SEM1: variants seen among roughly 807,000 people sequenced by gnomAD.
The protein encoded by SEM1 is SEM1 26S proteasome subunit, also known as 26S proteasome complex subunit SEM1.
In SEM1, 3 loss-of-function variants were observed where a neutral mutation model predicts 12.7. The ratio of observed to expected loss-of-function variants is 0.24; its 90% CI spans 0.11 to 0.61. The LOEUF (loss-of-function observed/expected upper bound fraction) is 0.61. Among genes scored for constraint, SEM1 ranks in the 20% least tolerant of loss-of-function variants. The probability of loss-of-function intolerance (pLI) is 0.88; values close to 1 mark genes in which losing one functional copy is unlikely to be tolerated. For missense variants in SEM1, 59 were observed against 81.3 expected, an observed-to-expected ratio of 0.73 and a Z score of 1.06; for synonymous variants, 30 against 27.8, an observed-to-expected ratio of 1.08 and a Z score of -0.25.
At chr7:96,643,363 A>G (rs1219065136) in intron 2 of SEM1, among the ~76,000 whole-genome samples, 30 of 151,682 alleles carry the variant, frequency 2.0e-4, no homozygotes, top group Admixed American at 1.8e-3. Flanking sequence ...TTAATTTTTT[A>G]TTATACTTTA....
downstream of SEM1, among the ~76,000 whole-genome samples, chr7:96,669,338 A>G (rs1789251535): frequency 6.6e-6 from 1 of 152,202 alleles, no homozygotes; most frequent in Non-Finnish European, 1.5e-5. Flanking sequence ...TAAATACTCA[A>G]TTCTGCTGAT....
chr7:96,656,514 T>C (rs945180548), intron 2 of SEM1: 4 of 152,082 alleles, frequency 2.6e-5, no homozygotes, highest in African/African-American at 9.6e-5. Flanking sequence ...CTGACCTGAT[T>C]AATTTTGCAC....
intron 2 of SEM1, among the ~76,000 whole-genome samples, chr7:96,588,602 G>T (rs551121902): frequency 2.0e-5 from 3 of 151,814 alleles, no homozygotes; most frequent in Non-Finnish European, 4.4e-5. Context: ...AGACAGTGAG[G>T]ATTATTAAGA....
intron 2 of SEM1, among the ~76,000 whole-genome samples, chr7:96,549,164 A>G (rs771925889): frequency 1.3e-5 from 2 of 152,184 alleles, no homozygotes; most frequent in African/African-American, 2.4e-5. Context: ...GAAAAGCAGT[A>G]AAAGGGGTCC....
At chr7:96,650,609 A>G in intron 2 of SEM1, 1 of 667,438 alleles carries the variant, frequency 1.5e-6, no homozygotes. Flanking sequence ...CCTAAAAGAC[A>G]TTACTTAGAA....
chr7:96,600,719 G>A (rs149474835), intron 2 of SEM1, among the ~76,000 whole-genome samples: 2 of 152,162 alleles, frequency 1.3e-5, no homozygotes, highest in Non-Finnish European at 2.9e-5. Flanking sequence ...GCTCTGGCTA[G>A]TGATGCTCAG....
intron 2 of SEM1, among the ~76,000 whole-genome samples, chr7:96,563,429 A>T (rs915687343): frequency 6.6e-6 from 1 of 152,172 alleles, no homozygotes; most frequent in African/African-American, 2.4e-5. Context: ...CAGGCAGCAT[A>T]AACAACACTC....
At chr7:96,637,573 A>C (rs989954583) in intron 2 of SEM1, among the ~76,000 whole-genome samples, 5 of 151,810 alleles carry the variant, frequency 3.3e-5, no homozygotes, top group Non-Finnish European at 5.9e-5. Flanking sequence ...GCTTGACTCT[A>C]TTTTCCATTT....
chr7:96,519,776 G>A (rs937005896), intron 2 of SEM1, among the ~76,000 whole-genome samples: 4 of 152,082 alleles, frequency 2.6e-5, no homozygotes, highest in Non-Finnish European at 5.9e-5. Flanking sequence ...AGGTAAAGGT[G>A]TGTATAGGTA....
intron 2 of SEM1, among the ~76,000 whole-genome samples, chr7:96,518,384 A>G (rs567417782): frequency 1.3e-5 from 2 of 152,282 alleles, no homozygotes; most frequent in Non-Finnish European, 2.9e-5. Context: ...AATAAGAATG[A>G]GTGAAAGAGC....
At chr7:96,631,000 T>C (rs1808241925) in intron 2 of SEM1, among the ~76,000 whole-genome samples, 1 of 152,176 alleles carries the variant, frequency 6.6e-6, no homozygotes, top group Non-Finnish European at 1.5e-5. Context: ...GCTGAGCTTA[T>C]CCAAGATGCA....
intron 2 of SEM1, among the ~76,000 whole-genome samples, chr7:96,547,418 A>C (rs2115820660): frequency 6.6e-6 from 1 of 152,292 alleles, no homozygotes; most frequent in African/African-American, 2.4e-5. Flanking sequence ...CATGCCATTC[A>C]TGGTCCAAAG....
At chr7:96,667,618 C>T (rs775930902) in intron 2 of SEM1, among the ~76,000 whole-genome samples, 4 of 152,072 alleles carry the variant, frequency 2.6e-5, no homozygotes, top group Non-Finnish European at 5.9e-5. Flanking sequence ...TGTTTTTTCT[C>T]TAGGGTTACT....
At chr7:96,486,092 T>A (rs1802743400) in intron 2 of SEM1, 1 of 712,626 alleles carries the variant, frequency 1.4e-6, no homozygotes, top group African/African-American at 1.8e-5. Flanking sequence ...CACGGTTGAG[T>A]ATGTCACAAT....
intron 2 of SEM1, among the ~76,000 whole-genome samples, chr7:96,515,120 G>A (rs1253954424): frequency 6.6e-6 from 1 of 152,072 alleles, no homozygotes. Flanking sequence ...TGACAAAAGG[G>A]CAATGTCAAT....
chr7:96,541,449 T>TTG (rs1554412386), intron 2 of SEM1, among the ~76,000 whole-genome samples: 10 of 148,318 alleles, frequency 6.7e-5, no homozygotes, highest in African/African-American at 2.2e-4. Context: ...TTTTGTTTTT[T>TTG]TTTTTTTTTT....
intron 2 of SEM1, among the ~76,000 whole-genome samples, chr7:96,581,607 G>C (rs1011879697): frequency 5.3e-5 from 8 of 152,188 alleles, no homozygotes; most frequent in Non-Finnish European, 1.0e-4. Flanking sequence ...CCATGAGCAT[G>C]GAATGTTCTT....
In SEM1 at chr7:96,584,044, T is replaced by C. The variant is rs1163222140; in HGVS notation, c.171-77346A>G. The stretch of plus-strand genomic sequence containing the variant: ...GCTGGTTATTTTGCTCGTTAGTTGA[T>C]GCAGTTTCTTCCTAGTCTCGATGGC... On this transcript the variant is annotated intron_variant and NMD_transcript_variant, in intron 2 of 3. Coordinates refer to the SEM1 transcript ENST00000466986. Among the ~76,000 whole-genome samples the C allele has an allele frequency of 7.9e-5, 12 of 152,336 alleles. No individual in the cohort carries two copies. The South Asian group carries it at 1.2e-3, about 16-fold the overall frequency.
intron 2 of SEM1, among the ~76,000 whole-genome samples, chr7:96,690,002 G>T (rs987985790): frequency 1.3e-5 from 2 of 152,090 alleles, no homozygotes; most frequent in Admixed American, 6.6e-5. Flanking sequence ...TTATACAAAT[G>T]TAATGTAGTA....
Sources: gnomAD v4.1 joint callset for allele counts (sites outside exome capture counted in the v4.1 genomes callset) on GRCh38, gnomAD v4.1.1 for gene constraint, MANE v1.5 for transcripts, NCBI Gene and HGNC (gene_info 2026-07-23, HGNC 2026-07-21) for gene names.